Variants in AGBL3 observed in about 807,000 individuals in gnomAD.
AGBL3 encodes cytosolic carboxypeptidase 3.
A neutral mutation model predicts 94.5 loss-of-function variants in AGBL3; 68 were observed. The observed-to-expected ratio is 0.72, with a 90% CI of 0.59 to 0.88. AGBL3 has a LOEUF of 0.88. Ranked by LOEUF, AGBL3 falls within the 40% of genes least tolerant of loss-of-function variation. The pLI is 0.00. For missense variants in AGBL3, 934 were observed against 1,103.8 expected (o/e 0.85, Z 2.18); for synonymous variants, 354 against 370.7 (o/e 0.95, Z 0.52).
intron 12 of AGBL3, among the ~76,000 whole-genome samples, chr7:135,069,117 A>G (rs1263994803): frequency 6.6e-6 from 1 of 152,202 alleles, no homozygotes; most frequent in African/African-American, 2.4e-5. Flanking sequence ...ACAAAGATCA[A>G]AGGCGACAAA....
At chr7:135,091,052 C>T (rs896567946) in intron 15 of AGBL3, among the ~76,000 whole-genome samples, 24 of 152,104 alleles carry the variant, frequency 1.6e-4, no homozygotes, top group African/African-American at 5.8e-4. Context: ...GTGGTGAAGT[C>T]AGTAGGTGTC....
At chr7:135,026,420 G>A (rs778345257) in intron 5 of AGBL3, among the ~76,000 whole-genome samples, 7 of 150,856 alleles carry the variant, frequency 4.6e-5, no homozygotes, top group Non-Finnish European at 8.8e-5. Flanking sequence ...GATTACAGGC[G>A]TGCGCTACCA....
intron 11 of AGBL3, among the ~76,000 whole-genome samples, chr7:135,052,550 A>G (rs1817974105): frequency 1.3e-5 from 2 of 152,090 alleles, no homozygotes; most frequent in Admixed American, 1.3e-4. Flanking sequence ...CCCAATAGGT[A>G]GTTTTTCAAC....
At chr7:135,078,372 GA>G (rs1820646512) in intron 13 of AGBL3, among the ~76,000 whole-genome samples, 1 of 152,094 alleles carries the variant, frequency 6.6e-6, no homozygotes, top group African/African-American at 2.4e-5. Context: ...CTCTCTTCTA[GA>G]ATTACATTAT....
chr7:135,134,341 C>G (rs757277291), intron 16 of AGBL3, among the ~76,000 whole-genome samples: 3 of 151,896 alleles, frequency 2.0e-5, no homozygotes, highest in Non-Finnish European at 4.4e-5. Context: ...GCTAAAAAAA[C>G]AGAGATTTTA....
intron 4 of AGBL3, among the ~76,000 whole-genome samples, chr7:135,000,996 T>C (rs58576150): frequency 0.36 from 55,010 of 152,084 alleles, 10,262 homozygotes; most frequent in South Asian, 0.49. Flanking sequence ...GACAATTCTA[T>C]AGGTTCCCAT....
chr7:135,132,465 C>G (rs1828900094), intron 16 of AGBL3, among the ~76,000 whole-genome samples: 1 of 152,102 alleles, frequency 6.6e-6, no homozygotes, highest in Admixed American at 6.5e-5. Flanking sequence ...GAATTCAGTA[C>G]CCATCCATGA....
In AGBL3 at chr7:134,988,016, A is replaced by C. The variant is rs181445863; in HGVS notation, c.63+20A>C. On this transcript the variant is annotated intron_variant, in intron 2 of 16. Transcript: ENST00000436302. ...GAATCGGTATGTTTTTCTCAACTTT[A>C]TTTTACTTGGAGATAAAATTTGTAT... 8 of 1,509,132 alleles carry C rather than the reference A, an allele frequency of 5.3e-6. No homozygotes were observed. In the African/African-American group the frequency reaches 7.0e-5, roughly 13 times the overall value. The allele number at this position is 1,509,132 out of a possible 1,614,324, so 93.5% of individuals were successfully genotyped here.
At chr7:135,128,678 G>T in intron 16 of AGBL3, 1 of 1,244,586 alleles carries the variant, frequency 8.0e-7, no homozygotes, top group Non-Finnish European at 1.2e-6. Context: ...TAGTATACCT[G>T]AATATTGTCT....
At chr7:135,059,309 C>CA (rs146909058) in intron 12 of AGBL3, 74 bp downstream of exon 12, 29 of 874,824 alleles carry the variant, frequency 3.3e-5, no homozygotes, top group East Asian at 6.0e-5. Context: ...AATAATCAGG[C>CA]AAAAAAAATT....
chr7:135,045,647 C>T (rs1219968760), intron 10 of AGBL3, 73 bp downstream of exon 10: 3 of 1,397,976 alleles, frequency 2.1e-6, no homozygotes, highest in African/African-American at 2.9e-5. Context: ...TGGGCCTATG[C>T]AGTGTTTGCC....
chr7:135,004,638 T>TTTG (rs1812158860), intron 4 of AGBL3, among the ~76,000 whole-genome samples: 1 of 92,712 alleles, frequency 1.1e-5, no homozygotes, highest in Non-Finnish European at 2.5e-5. Context: ...TTGGTTATTT[T>TTTG]CCTAGAAAAA....
At chr7:135,081,864 A>G (rs1820949427) in intron 15 of AGBL3, 74 bp downstream of exon 15, 6 of 957,810 alleles carry the variant, frequency 6.3e-6, no homozygotes, top group Non-Finnish European at 9.1e-6. Flanking sequence ...CTCTAGCTCT[A>G]GAAATACACA....
chr7:135,110,915 C>T (rs1274985070), intron 15 of AGBL3, among the ~76,000 whole-genome samples: 1 of 152,174 alleles, frequency 6.6e-6, no homozygotes, highest in Non-Finnish European at 1.5e-5. Flanking sequence ...GATTACAGAG[C>T]CCTGCTGGAG....
At chr7:135,134,775 A>G (rs1829247960) in intron 16 of AGBL3, 66 bp from the exon 17 acceptor site, 4 of 1,358,120 alleles carry the variant, frequency 2.9e-6, no homozygotes, top group South Asian at 1.4e-5. Flanking sequence ...TACTATGACA[A>G]CATACCTAGG....
intron 16 of AGBL3, among the ~76,000 whole-genome samples, chr7:135,124,181 A>C (rs1827530621): frequency 6.6e-6 from 1 of 151,868 alleles, no homozygotes; most frequent in African/African-American, 2.4e-5. Context: ...TAGGCTCAAA[A>C]TAAAGGGATG....
chr7:135,048,081 T>G (rs1817540504), intron 11 of AGBL3, among the ~76,000 whole-genome samples: 1 of 151,982 alleles, frequency 6.6e-6, no homozygotes, highest in African/African-American at 2.4e-5. Flanking sequence ...GGATAGCCAG[T>G]TTCCCACCAT....
intron 4 of AGBL3, among the ~76,000 whole-genome samples, chr7:135,015,559 C>A (rs926016422): frequency 6.6e-6 from 1 of 150,860 alleles, no homozygotes; most frequent in African/African-American, 2.4e-5. Flanking sequence ...CTCTAATAAA[C>A]TGCAAACTTG....
At chr7:135,064,810 GA>G (rs1166596788) in intron 12 of AGBL3, among the ~76,000 whole-genome samples, 1 of 152,170 alleles carries the variant, frequency 6.6e-6, no homozygotes, top group Non-Finnish European at 1.5e-5. Context: ...TCCATTGCAA[GA>G]GGCAAAAAAT....
Sources: gnomAD v4.1 joint callset for allele counts (sites outside exome capture counted in the v4.1 genomes callset) on GRCh38, gnomAD v4.1.1 for gene constraint, MANE v1.5 for transcripts, NCBI Gene and HGNC (gene_info 2026-07-23, HGNC 2026-07-21) for gene names.